The following CNIH3 variants were observed in gnomAD, a reference collection of about 807,000 sequenced individuals.
The protein encoded by CNIH3 is protein cornichon homolog 3.
A neutral mutation model predicts 24.1 loss-of-function variants in CNIH3; 14 were observed. The observed-to-expected ratio is 0.58, with a 90% CI of 0.38 to 0.91. The LOEUF is 0.91. CNIH3 is among the 40% of genes least tolerant of loss of function. CNIH3 has a pLI of 0.00. For synonymous variants in CNIH3, 68 were observed against 73.8 expected, an observed-to-expected ratio of 0.92 and a Z score of 0.40; for missense variants, 178 against 196.8, an observed-to-expected ratio of 0.90 and a Z score of 0.57.
intron 3 of CNIH3, among the ~76,000 whole-genome samples, chr1:224,693,201 A>G (rs1687012070): frequency 6.6e-6 from 1 of 152,198 alleles, no homozygotes; most frequent in Non-Finnish European, 1.5e-5. Context: ...TGGTGCTGTC[A>G]TGGGGTTGCT....
At chr1:224,685,312 G>A (rs944152210) in intron 3 of CNIH3, among the ~76,000 whole-genome samples, 1 of 152,212 alleles carries the variant, frequency 6.6e-6, no homozygotes, top group Non-Finnish European at 1.5e-5. Context: ...GGATGGGTGG[G>A]ATGAGGCAGT....
At chr1:224,455,422 A>G (rs1572274411) in intron 1 of CNIH3, among the ~76,000 whole-genome samples, 5 of 152,272 alleles carry the variant, frequency 3.3e-5, no homozygotes, top group Admixed American at 3.3e-4. Flanking sequence ...AACCCTTACC[A>G]TCTGAATGGC....
intron 1 of CNIH3, among the ~76,000 whole-genome samples, chr1:224,505,019 TCCCTCCCTC>T (rs1677841141): frequency 3.6e-5 from 1 of 27,642 alleles, no homozygotes; most frequent in Non-Finnish European, 7.0e-5. Flanking sequence ...CCTCCCTCCC[TCCCTCCCTC>T]CCTCCCTTCC....
chr1:224,710,623 C>T (rs1019998743), intron 3 of CNIH3, among the ~76,000 whole-genome samples: 3 of 152,090 alleles, frequency 2.0e-5, no homozygotes, highest in Admixed American at 6.5e-5. Context: ...TTCAAACACC[C>T]ATTTTCTCAG....
At chr1:224,591,681 T>G (rs1242693634), downstream of CNIH3, among the ~76,000 whole-genome samples, 1 of 152,158 alleles carries the variant, frequency 6.6e-6, no homozygotes, top group Non-Finnish European at 1.5e-5. Flanking sequence ...TCAGGTTCCT[T>G]TTACCTCTCT....
At chr1:224,455,925 A>G (rs1572275192) in intron 1 of CNIH3, among the ~76,000 whole-genome samples, 1 of 152,244 alleles carries the variant, frequency 6.6e-6, no homozygotes, top group Admixed American at 6.5e-5. Flanking sequence ...GAATATGAAT[A>G]CTACCAGTGT....
chr1:224,526,300 G>C (rs1429767842), intron 2 of CNIH3, among the ~76,000 whole-genome samples: 1 of 152,158 alleles, frequency 6.6e-6, no homozygotes, highest in African/African-American at 2.4e-5. Flanking sequence ...TAAGAAGTTA[G>C]GTCTTTTGGG....
intron 3 of CNIH3, among the ~76,000 whole-genome samples, chr1:224,709,096 C>T (rs979766101): frequency 7.2e-5 from 11 of 152,176 alleles, no homozygotes; most frequent in South Asian, 2.1e-4. Flanking sequence ...GACCACCACG[C>T]GCGTCTGTCT....
rs57395227 is a variant in CNIH3, at chr1:224,657,434, A to AG, written c.82-23524_82-23523insG. Among the ~76,000 whole-genome samples the AG allele has an allele frequency of 3.0e-4, 46 of 152,094 alleles. 1 individual carries two copies. The highest frequency in any genetic ancestry group is 9.6e-4 in the East Asian group (5 of 5,190). On this transcript the variant is annotated intron_variant, in intron 1 of 5. Coordinates refer to ENST00000272133, the MANE Select transcript of CNIH3 (RefSeq NM_152495.2). Reference sequence around the variant, plus strand: ...TAGAGAGAGAGAGAGAGAGAGAGAGAAATATGCCTCACATTTTATTGATAA... The same window carrying AG: ...TAGAGAGAGAGAGAGAGAGAGAGAGAGAATATGCCTCACATTTTATTGATAA...
chr1:224,607,167 C>T (rs1353295014), intron 3 of CNIH3, among the ~76,000 whole-genome samples: 1 of 152,180 alleles, frequency 6.6e-6, no homozygotes, highest in African/African-American at 2.4e-5. Flanking sequence ...CCCTGTGCTT[C>T]CACACAGCTG....
chr1:224,624,889 T>C (rs1277026307), intron 1 of CNIH3, among the ~76,000 whole-genome samples: 1 of 152,190 alleles, frequency 6.6e-6, no homozygotes, highest in Non-Finnish European at 1.5e-5. Flanking sequence ...CTGTTCTGTC[T>C]CCCTGGAATG....
At position 224,622,030 on chromosome 1, in the gene CNIH3, C is replaced by T. The variant is rs961776852; in HGVS notation, c.81+4775C>T. On this transcript the variant is annotated intron_variant, in intron 1 of 5. Transcript: ENST00000272133. ...CGCCATGTAAGACATGCCTTTGCTC[C>T]TCCTTCACCTTCTGCCATGATCATG... Among the ~76,000 whole-genome samples the T allele has an allele frequency of 4.6e-5, 7 of 152,194 alleles. 1 individual carries two copies. The highest frequency in any genetic ancestry group is 9.7e-5 in the African/African-American group (4 of 41,444).
intron 3 of CNIH3, among the ~76,000 whole-genome samples, chr1:224,710,151 C>T (rs937667206): frequency 3.9e-5 from 6 of 152,142 alleles, no homozygotes; most frequent in East Asian, 1.9e-4. Context: ...GTGAGACTAC[C>T]GATAAGGGGT....
chr1:224,595,929 G>T (rs953494095), intron 3 of CNIH3, among the ~76,000 whole-genome samples: 3 of 152,212 alleles, frequency 2.0e-5, no homozygotes, highest in Non-Finnish European at 4.4e-5. Context: ...TTTGAAGCTA[G>T]CAGCGGCTGG....
At chr1:224,676,002 G>C (rs1359623076) in intron 1 of CNIH3, among the ~76,000 whole-genome samples, 1 of 152,142 alleles carries the variant, frequency 6.6e-6, no homozygotes, top group Non-Finnish European at 1.5e-5. Flanking sequence ...ATTTCTCCAA[G>C]GAAATTGAAA....
At chr1:224,520,437 T>G (rs1239242072) in intron 1 of CNIH3, among the ~76,000 whole-genome samples, 2 of 152,250 alleles carry the variant, frequency 1.3e-5, no homozygotes, top group Non-Finnish European at 1.5e-5. Flanking sequence ...ACATTTGCTC[T>G]TGAACAAACT....
chr1:224,665,557 CA>C (rs977942929), intron 1 of CNIH3, among the ~76,000 whole-genome samples: 2 of 152,186 alleles, frequency 1.3e-5, no homozygotes, highest in African/African-American at 4.8e-5. Flanking sequence ...ATGAGCAAAA[CA>C]GTGTCTCCTT....
intron 5 of CNIH3, among the ~76,000 whole-genome samples, chr1:224,736,586 C>T (rs557385417): frequency 6.6e-6 from 1 of 152,314 alleles, no homozygotes; most frequent in African/African-American, 2.4e-5. Context: ...TAAACAAGCT[C>T]TCTGGACAAT....
intron 1 of CNIH3, among the ~76,000 whole-genome samples, chr1:224,659,486 T>A (rs1685242708): frequency 6.6e-6 from 1 of 152,088 alleles, no homozygotes; most frequent in Non-Finnish European, 1.5e-5. Context: ...CTTCTCCTTA[T>A]GGGAAGCTCA....
Sources: gnomAD v4.1 joint callset for allele counts (sites outside exome capture counted in the v4.1 genomes callset) on GRCh38, gnomAD v4.1.1 for gene constraint, MANE v1.5 for transcripts, NCBI Gene and HGNC (gene_info 2026-07-23, HGNC 2026-07-21) for gene names.